Variants in TMPRSS9 observed in about 807,000 individuals in gnomAD.
TMPRSS9 encodes the protein transmembrane protease serine 9.
In TMPRSS9, 113 loss-of-function variants were observed where a neutral mutation model predicts 111.4. The ratio of observed to expected loss-of-function variants is 1.01; its 90% CI spans 0.87 to 1.19. The LOEUF (loss-of-function observed/expected upper bound fraction) is 1.19, where lower values mean the gene tolerates loss of function less well. Among genes scored for constraint, TMPRSS9 ranks in the 50% most tolerant of loss-of-function variants. The pLI is 0.00. For synonymous variants in TMPRSS9, 805 were observed against 659.1 expected (o/e 1.22, Z -3.39); for missense variants, 1,803 against 1,513.1 (o/e 1.19, Z -3.18).
chr19:2,417,641 C>T (rs1971279316), intron 12 of TMPRSS9, among the ~76,000 whole-genome samples: 1 of 152,134 alleles, frequency 6.6e-6, no homozygotes, highest in South Asian at 2.1e-4. Context: ...GAGCAAGACC[C>T]TGTCTCAAAA....
At chr19:2,385,163 C>CGGAGCTCGCGGGGGGT (rs1970450571), upstream of TMPRSS9, among the ~76,000 whole-genome samples, 2 of 32,644 alleles carry the variant, frequency 6.1e-5, no homozygotes, top group African/African-American at 2.4e-4. Flanking sequence ...TCGCGGAGGG[C>CGGAGCTCGCGGGGGGT]GGGGCTCGCG....
chr19:2,364,703 G>C (rs1468131944), intron 1 of TMPRSS9, among the ~76,000 whole-genome samples: 6 of 152,046 alleles, frequency 3.9e-5, no homozygotes, highest in African/African-American at 1.4e-4. Context: ...GAGCAAAACT[G>C]GGCCGGGAAC....
At position 2,396,627 on chromosome 19, in the gene TMPRSS9, G is replaced by A. The variant is rs374070403; in HGVS notation, c.231G>A (p.Ser77=). ...CCAGCAGTTTGCGGCGGGAGACCTC[G>A]GACTATCACCGCACGCTGACGCCCA... Residue 77 remains serine, a synonymous_variant, in exon 2 of 18, where the codon TCG becomes TCA. Coordinates refer to ENST00000648592, the Ensembl canonical transcript of TMPRSS9. 117 of 1,603,930 alleles carry A rather than the reference G, an allele frequency of 7.3e-5. 1 individual carries two copies. The highest frequency in any genetic ancestry group is 2.3e-4 in the African/African-American group (17 of 74,986).
intron 1 of TMPRSS9, among the ~76,000 whole-genome samples, chr19:2,383,634 A>C (rs879918271): frequency 5.9e-5 from 4 of 68,272 alleles, no homozygotes; most frequent in Non-Finnish European, 1.2e-4. Flanking sequence ...CTGCACCCTG[A>C]CTCTACAAAG....
intron 2 of TMPRSS9, among the ~76,000 whole-genome samples, chr19:2,396,913 G>A (rs910696369): frequency 6.8e-6 from 1 of 146,378 alleles, no homozygotes; most frequent in Non-Finnish European, 1.5e-5. Context: ...ACATTTAGAG[G>A]TTTTTTTTTT....
upstream of TMPRSS9, among the ~76,000 whole-genome samples, chr19:2,384,779 C>T (rs1269034430): frequency 6.9e-6 from 1 of 145,720 alleles, no homozygotes; most frequent in Non-Finnish European, 1.5e-5. Flanking sequence ...CGCACCACCG[C>T]ACTCCAGCCT....
rs777008277 is a variant in TMPRSS9, at chr19:2,403,085, G to A, written c.560G>A (p.Arg187His). ...GTCGGTTCTTTTCTGTCCTCAGGCC[G>A]CTGTCCAGGGAACTCCTTTTCCTGC... Residue 187 changes from arginine (R) to histidine (H), a missense_variant, in exon 6 of 18, where the codon CGC becomes CAC. Physicochemically the swap from Arg to His is conservative, Grantham distance 29. Transcript: ENST00000648592. The A allele has an allele frequency of 1.7e-4, 273 of 1,607,766 alleles. 1 individual carries two copies. The highest frequency in any genetic ancestry group is 2.2e-4 in the Non-Finnish European group (258 of 1,178,024).
intron 9 of TMPRSS9, among the ~76,000 whole-genome samples, chr19:2,411,744 GT>G (rs1971101283): frequency 6.6e-6 from 1 of 152,096 alleles, no homozygotes; most frequent in Admixed American, 6.6e-5. Context: ...TAAAGACAGG[GT>G]TTCGCCATGT....
intron 14 of TMPRSS9, among the ~76,000 whole-genome samples, chr19:2,422,688 C>G (rs1327428752): frequency 1.3e-5 from 2 of 152,218 alleles, no homozygotes; most frequent in East Asian, 3.8e-4. Context: ...GAGTTCCAGA[C>G]CAGCCTGGCC....
chr19:2,397,173 G>C (rs1054379736), intron 2 of TMPRSS9, among the ~76,000 whole-genome samples: 3 of 152,060 alleles, frequency 2.0e-5, no homozygotes, highest in Non-Finnish European at 2.9e-5. Context: ...TTCCCTCCAC[G>C]GCCTCCCAAA....
At chr19:2,417,433 TC>T (rs1417765163) in intron 12 of TMPRSS9, among the ~76,000 whole-genome samples, 3 of 146,328 alleles carry the variant, frequency 2.1e-5, no homozygotes, top group Non-Finnish European at 4.5e-5. Flanking sequence ...GCCACTGCAC[TC>T]CAGCCTGGGT....
chr19:2,361,973 T>A (rs1285823872), intron 1 of TMPRSS9, among the ~76,000 whole-genome samples: 4 of 152,112 alleles, frequency 2.6e-5, no homozygotes, highest in Non-Finnish European at 5.9e-5. Context: ...GGGTGAGTTG[T>A]CTGTGTGGCT....
chr19:2,368,774 G>GTTTTTGTTTTTTTTTTTTTT, intron 1 of TMPRSS9, among the ~76,000 whole-genome samples: 1 of 70,366 alleles, frequency 1.4e-5, no homozygotes, highest in Non-Finnish European at 2.6e-5. Context: ...GATAAACCCA[G>GTTTTTGTTTTTTTTTTTTTT]TTTTTTTTTT....
chr19:2,396,169 A>T (rs1293371928), intron 1 of TMPRSS9: 2 of 182,084 alleles, frequency 1.1e-5, no homozygotes, highest in Non-Finnish European at 2.3e-5. Flanking sequence ...TACGCCCTGA[A>T]GTCAGCTCAG....
At chr19:2,410,016 G>A (rs1210211018) in intron 8 of TMPRSS9, among the ~76,000 whole-genome samples, 1 of 152,092 alleles carries the variant, frequency 6.6e-6, no homozygotes, top group Non-Finnish European at 1.5e-5. Context: ...CTTGCGGAAG[G>A]GAGATGAGGA....
intron 1 of TMPRSS9, among the ~76,000 whole-genome samples, chr19:2,362,687 G>T (rs1441546196): frequency 6.6e-6 from 1 of 152,116 alleles, no homozygotes; most frequent in African/African-American, 2.4e-5. Flanking sequence ...GTGTGAAGTT[G>T]TGTTTAGCTG....
chr19:2,401,003 G>A (rs9797685), intron 4 of TMPRSS9, among the ~76,000 whole-genome samples: 34,361 of 149,718 alleles, frequency 0.23, 4,896 homozygotes, highest in Admixed American at 0.4. Flanking sequence ...GGCCGGGCGC[G>A]GTGGCTTACG....
chr19:2,405,642 C>T (rs1036250635), intron 7 of TMPRSS9, 97 bp downstream of exon 8: 132 of 1,301,350 alleles, frequency 1.0e-4, no homozygotes, highest in Non-Finnish European at 1.3e-4. Context: ...CCTTAGAGCC[C>T]CTGGAAGTAA....
chr19:2,415,871 C>T (rs767200304), intron 11 of TMPRSS9, 30 bp downstream of exon 12: 2 of 1,543,552 alleles, frequency 1.3e-6, no homozygotes, highest in Non-Finnish European at 1.8e-6. Flanking sequence ...GGAAGGCTGC[C>T]CGGCTTCCCC....
Sources: gnomAD v4.1 joint callset for allele counts (sites outside exome capture counted in the v4.1 genomes callset) on GRCh38, gnomAD v4.1.1 for gene constraint, MANE v1.5 for transcripts, NCBI Gene and HGNC (gene_info 2026-07-23, HGNC 2026-07-21) for gene names.